ABHD8: variants seen among roughly 807,000 people sequenced by gnomAD.
ABHD8 encodes the protein protein ABHD8.
In ABHD8, 10 loss-of-function variants were observed where a neutral mutation model predicts 29.3. That is an observed-to-expected ratio of 0.34 (90% CI 0.21 to 0.58). The LOEUF (loss-of-function observed/expected upper bound fraction) is 0.58, where lower values mean the gene tolerates loss of function less well. ABHD8 is among the 20% of genes least tolerant of loss of function. The probability of loss-of-function intolerance (pLI) is 0.85; values close to 1 mark genes in which losing one functional copy is unlikely to be tolerated. For synonymous variants in ABHD8, 282 were observed against 274.6 expected (o/e 1.03, Z -0.27); for missense variants, 556 against 615.3 (o/e 0.90, Z 1.02).
rs1389524838 is a variant in ABHD8, at chr19:17,301,476, C to T, written c.141G>A (p.Lys47=). The change falls in exon 2 of 5, where the codon AAG becomes AAA. Residue 47 remains lysine (K), a synonymous_variant. Transcript: ENST00000247706. The part of the protein sequence containing the change: ...EVKPGRVLRV[K]HAGPAPAAAP... ...CAGCGGCTGGGGCGGGTCCTGCATG[C>T]TTCACCCGCAGCACGCGGCCGGGCT... is the stretch of plus-strand genomic sequence containing the variant. 6.2e-7 allele frequency: 1 copy of T among 1,611,618 alleles called. No homozygotes were observed. The highest frequency in any genetic ancestry group is 8.5e-7 in the Non-Finnish European group (1 of 1,179,730).
intron 2 of ABHD8, among the ~76,000 whole-genome samples, chr19:17,297,035 C>T (rs2074096833): frequency 1.3e-5 from 2 of 152,192 alleles, no homozygotes; most frequent in Admixed American, 1.3e-4. Context: ...GAAGTTCCAA[C>T]AGTGACTGTA....
rs561881827 is a variant in ABHD8, at chr19:17,301,596, G to A, written c.21C>T (p.Asp7=). 1.7e-5 allele frequency: 27 copies of A among 1,565,468 alleles called. No individual in the cohort carries two copies. In the Admixed American group the frequency reaches 1.9e-4, roughly 11 times the overall value. ...TGCCCAGCAGGCAACAGAAGATACC[G>A]TCGGTCACCCCGGTCAGCATGGTGT... The part of the protein sequence containing the change: MLTGVT[D]GIFCCLLGTP... Residue 7 remains aspartate, a synonymous_variant, in exon 2 of 5, where the codon GAC becomes GAT. Coordinates refer to ENST00000247706, the MANE Select transcript of ABHD8 (RefSeq NM_024527.5).
chr19:17,297,694 G>A (rs1032911791), intron 2 of ABHD8: 4 of 150,600 alleles, frequency 2.7e-5, no homozygotes, highest in African/African-American at 9.8e-5. Flanking sequence ...TTACCTCTCA[G>A]TCTAGATTCC....
In ABHD8 at chr19:17,292,212, G is replaced by T; in HGVS notation, c.*449C>A. 5.1e-6 allele frequency: 1 copy of T among 197,792 alleles called. No homozygotes were observed. The highest frequency in any genetic ancestry group is 1.0e-5 in the Non-Finnish European group (1 of 98,020). The allele number at this position is 197,792 out of a possible 1,614,324, so 12.3% of individuals were successfully genotyped here. Reference sequence around the variant, plus strand: ...GCCAGCCCCCCCATCCCCCCCCCTTGGGCAAAAATAGCTCCCAGCGCCGAG... The same window carrying T: ...GCCAGCCCCCCCATCCCCCCCCCTTTGGCAAAAATAGCTCCCAGCGCCGAG... On this transcript the variant is annotated 3_prime_UTR_variant, in exon 5 of 5. Coordinates refer to ENST00000247706, the MANE Select transcript of ABHD8 (RefSeq NM_024527.5).
rs188278819 is a variant in ABHD8, at chr19:17,300,669, G to T, written c.761+187C>A. 3.8e-3 allele frequency among the ~76,000 whole-genome samples: 581 copies of T among 152,234 alleles called. 2 individuals carry two copies. Among genetic ancestry groups the T allele is most frequent in the Admixed American group, 6.7e-3 (102 of 15,280 alleles). On this transcript the variant is annotated intron_variant, in intron 2 of 4. Coordinates refer to ENST00000247706, the MANE Select transcript of ABHD8 (RefSeq NM_024527.5). ...ATTTTTGTATTTTTGGTAGAGACGG[G>T]GTTTCACCACCTTGGCCAGACTGTT...
rs375984470 is a variant in ABHD8, at chr19:17,301,371, G to A, written c.246C>T (p.Ile82=). The part of the protein sequence containing the change: ...LSGLVRCQRR[I]TVYRNGRLLV... ...GCAACCGCCCATTGCGGTACACGGT[G>A]ATCCGGCGCTGACAGCGGACCAAGC... Residue 82 remains isoleucine, a synonymous_variant, in exon 2 of 5, where the codon ATC becomes ATT. Coordinates refer to ENST00000247706, the MANE Select transcript of ABHD8 (RefSeq NM_024527.5). The A allele has an allele frequency of 2.4e-5, 38 of 1,610,902 alleles. No homozygotes were observed. The African/African-American group carries it at 4.5e-4, about 19-fold the overall frequency.
At chr19:17,295,945 A>C (rs1413190644) in intron 2 of ABHD8, among the ~76,000 whole-genome samples, 1 of 152,154 alleles carries the variant, frequency 6.6e-6, no homozygotes, top group African/African-American at 2.4e-5. Context: ...TCCTGGGCTC[A>C]AGTGATCCTC....
At position 17,292,736 on chromosome 19, in the gene ABHD8, G is replaced by A. The variant is rs757021459; in HGVS notation, c.1245C>T (p.Phe415=). 1.2e-6 allele frequency: 2 copies of A among 1,613,832 alleles called. No homozygotes were observed. Reference sequence around the variant, plus strand: ...GCGAGGGCTCGGGCTCCCAGAGCAGGAATTCGTGGAGCAGCGTGTTGACCG... The same window carrying A: ...GCGAGGGCTCGGGCTCCCAGAGCAGAAATTCGTGGAGCAGCGTGTTGACCG... ...PETVNTLLHE[F]LLWEPEPSPK... Residue 415 remains phenylalanine (F), a synonymous_variant, in exon 5 of 5, where the codon TTC becomes TTT. Transcript: ENST00000247706.
At chr19:17,293,362 G>C (rs1284420180) in intron 4 of ABHD8, among the ~76,000 whole-genome samples, 2 of 151,674 alleles carry the variant, frequency 1.3e-5, no homozygotes, top group East Asian at 1.9e-4. Flanking sequence ...CTCCCAAAGT[G>C]CTGGGATTAC....
In ABHD8 at chr19:17,292,187, GCC is replaced by G; in HGVS notation, c.*472_*473del. ...AGTTGAGATGTGCAGGTTCGGTGGC[GCC>G]AGCCCCCCCATCCCCCCCCCTTGGG... On this transcript the variant is annotated 3_prime_UTR_variant, in exon 5 of 5. Transcript: ENST00000247706. 1 of 181,682 alleles carries G rather than the reference GCC, an allele frequency of 5.5e-6. No individual in the cohort carries two copies. Among genetic ancestry groups the G allele is most frequent in the Non-Finnish European group, 1.1e-5 (1 of 88,572 alleles). 11.3% of individuals were successfully genotyped at this position (181,682 alleles called of 1,614,324 possible). A position where few individuals can be genotyped will look rare whatever the true frequency, so the allele number is the denominator to read the frequency against.
At chr19:17,300,712 A>G (rs1568348272) in intron 2 of ABHD8, 144 bp downstream of exon 2, 18 of 1,060,832 alleles carry the variant, frequency 1.7e-5, no homozygotes, top group African/African-American at 3.2e-5. Flanking sequence ...TCCCAACCTC[A>G]GGTGATCCGC....
chr19:17,302,711 A>G (rs2074126202), intron 1 of ABHD8, among the ~76,000 whole-genome samples: 1 of 152,214 alleles, frequency 6.6e-6, no homozygotes, highest in Admixed American at 6.5e-5. Context: ...AAGTCCCCAG[A>G]GGTGGCGAAG....
chr19:17,294,228 C>G, intron 4 of ABHD8, 60 bp downstream of exon 4: 1 of 1,559,542 alleles, frequency 6.4e-7, no homozygotes, highest in Non-Finnish European at 8.7e-7. Flanking sequence ...AGAGGCCACG[C>G]CCCTCCCGGG....
chr19:17,299,233 G>GTCCC (rs2074106098), intron 2 of ABHD8, among the ~76,000 whole-genome samples: 1 of 56,022 alleles, frequency 1.8e-5, no homozygotes, highest in Non-Finnish European at 3.9e-5. Flanking sequence ...AACATAATGA[G>GTCCC]ACCCCCCCCC....
intron 2 of ABHD8, among the ~76,000 whole-genome samples, chr19:17,297,430 G>C (rs538997792): frequency 1.4e-4 from 21 of 152,126 alleles, no homozygotes; most frequent in African/African-American, 4.6e-4. Context: ...CAAGTAGCTG[G>C]GATTATAGGC....
At position 17,292,602 on chromosome 19, in the gene ABHD8, G is replaced by A. The variant is rs1319513815; in HGVS notation, c.*59C>T. 1.3e-6 allele frequency: 2 copies of A among 1,519,694 alleles called. No individual in the cohort carries two copies. The highest frequency in any genetic ancestry group is 2.7e-5 in the African/African-American group (2 of 72,860). The allele number at this position is 1,519,694 out of a possible 1,614,324, so 94.1% of individuals were successfully genotyped here. On this transcript the variant is annotated 3_prime_UTR_variant, in exon 5 of 5. Coordinates refer to ENST00000247706, the MANE Select transcript of ABHD8 (RefSeq NM_024527.5). ...GGTCTGCGCTGCAGACCTGGCGCAG[G>A]CTCGGGCCTCCTCCTGCTGCGGCTG...
In ABHD8 at chr19:17,301,141, T is replaced by C. The variant is rs1276527288; in HGVS notation, c.476A>G (p.His159Arg). 19 of 1,612,478 alleles carry C rather than the reference T, an allele frequency of 1.2e-5. No individual in the cohort carries two copies. The highest frequency in any genetic ancestry group is 1.4e-5 in the Non-Finnish European group (17 of 1,179,966). Residue 159 changes from histidine to arginine, a missense_variant, in exon 2 of 5, where the codon CAT (histidine) becomes CGT (arginine). His to Arg is a conservative substitution (Grantham distance 29). Transcript: ENST00000247706. ...AGTGATGCGCTTCTCACAGTCAATA[T>C]GGATGGTCCTCTTGGGGCGCCTGGC... is the stretch of plus-strand genomic sequence containing the variant. ...RRARRPKRTI[H>R]IDCEKRITSC... is the part of the protein sequence containing the mutation.
rs1599522268 is a variant in ABHD8, at chr19:17,294,609, C to A, written c.932+66G>T. On this transcript the variant is annotated intron_variant, in intron 3 of 4. Transcript: ENST00000247706. ...CCAGCGGTACAGTCCCCCCTCCCAT[C>A]CAACTCGAGCAGATGCCTGGGTTCG... The A allele has an allele frequency of 2.0e-5, 32 of 1,606,712 alleles. No homozygotes were observed. In the South Asian group the frequency reaches 3.4e-4, roughly 17 times the overall value.
rs113634768 is a variant in ABHD8 at position 17,292,605 on chromosome 19, C to T, written c.*56G>A. Reference sequence around the variant, plus strand: ...CTGCGCTGCAGACCTGGCGCAGGCTCGGGCCTCCTCCTGCTGCGGCTGTGC... The same window carrying T: ...CTGCGCTGCAGACCTGGCGCAGGCTTGGGCCTCCTCCTGCTGCGGCTGTGC... On this transcript the variant is annotated 3_prime_UTR_variant, in exon 5 of 5. Transcript: ENST00000247706. The T allele has an allele frequency of 7.2e-6, 11 of 1,526,020 alleles. No individual in the cohort carries two copies. In the African/African-American group the frequency reaches 1.1e-4, roughly 15 times the overall value. 94.5% of individuals were successfully genotyped at this position (1,526,020 alleles called of 1,614,324 possible).
Sources: allele counts gnomAD v4.1 joint callset (sites outside exome capture counted in the v4.1 genomes callset), GRCh38; gene constraint gnomAD v4.1.1; transcripts MANE v1.5; gene names NCBI Gene and HGNC (gene_info 2026-07-23, HGNC 2026-07-21).